Variants in ADSS2 observed in about 807,000 individuals in gnomAD.
ADSS2 encodes adenylosuccinate synthase 2.
ADSS2 carries 30 observed loss-of-function variants against 60.0 expected under a neutral mutation model. The ratio of observed to expected loss-of-function variants is 0.50; its 90% CI spans 0.37 to 0.68. The LOEUF is 0.68. Among genes scored for constraint, ADSS2 ranks in the 30% least tolerant of loss-of-function variants. The pLI, the probability that ADSS2 is intolerant of heterozygous loss-of-function variation, is 0.00. For missense variants in ADSS2, 373 were observed against 554.8 expected (o/e 0.67, Z 3.29); for synonymous variants, 187 against 193.1 (o/e 0.97, Z 0.26).
intron 11 of ADSS2, among the ~76,000 whole-genome samples, chr1:244,412,830 A>G (rs1664444988): frequency 6.6e-6 from 1 of 152,146 alleles, no homozygotes; most frequent in South Asian, 2.1e-4. Context: ...AGATTTTCCA[A>G]ACTCTCTGGG....
At chr1:244,451,926 G>GCCGGCC (rs1444102861), upstream of ADSS2, 25 of 1,174,398 alleles carry the variant, frequency 2.1e-5, no homozygotes, top group Middle Eastern at 6.0e-4. The surrounding 1 kb of genome is among the most constrained non-coding windows in gnomAD (Gnocchi z 6.6). Context: ...GGAGCCAGAG[G>GCCGGCC]CCGGCCCCGC....
intron 6 of ADSS2, among the ~76,000 whole-genome samples, chr1:244,423,512 G>A (rs1249246531): frequency 6.6e-6 from 1 of 152,156 alleles, no homozygotes; most frequent in African/African-American, 2.4e-5. Context: ...CGTAGCATCT[G>A]TTGATTTCAA....
At chr1:244,436,754 C>T (rs76769681) in intron 3 of ADSS2, 71 bp downstream of exon 3, 43 of 1,298,418 alleles carry the variant, frequency 3.3e-5, no homozygotes, top group South Asian at 2.7e-4. Context: ...ACATGTTGTT[C>T]GTCTGGCATA....
In ADSS2 at chr1:244,418,824, T is replaced by C. The variant is rs1664597342; in HGVS notation, c.881A>G (p.Tyr294Cys). 6.2e-7 allele frequency: 1 copy of C among 1,613,936 alleles called. No homozygotes were observed. Among genetic ancestry groups the C allele is most frequent in the Non-Finnish European group, 8.5e-7 (1 of 1,179,968 alleles). ...AGTTGTATAAGCTTTCACAACTCCA[T>C]ACACTTCTCCAACATTTTGAGGTGG... ...GMPPQNVGEVYGVVKAYTTRV... is the reference protein window; with the variant it reads ...GMPPQNVGEVCGVVKAYTTRV... The change falls in exon 9 of 13, where the codon TAT (tyrosine) becomes TGT (cysteine). Residue 294 changes from tyrosine (Y) to cysteine (C), a missense_variant. Tyr to Cys is a radical substitution (Grantham distance 194). This residue lies in a region of ADSS2 where 28 missense variants were observed against 74.4 expected (regional missense o/e 0.38). Coordinates refer to ENST00000366535, the MANE Select transcript of ADSS2 (RefSeq NM_001126.5).
Position 244,424,395 on chromosome 1 carries a change from G to A in ADSS2, c.407-8C>T, listed in dbSNP as rs201241047. ...CTTGATGAAAATCAAATACTGAGGG[G>A]AAATAAAACCACAGTTGTTGAAACA... On this transcript the variant is annotated splice_region_variant and splice_polypyrimidine_tract_variant and intron_variant, in intron 4 of 12. Transcript: ENST00000366535. The A allele has an allele frequency of 6.5e-5, 105 of 1,610,472 alleles. 2 individuals are homozygous for A. In the East Asian group the frequency reaches 2.2e-3, roughly 34 times the overall value.
chr1:244,446,301 T>C (rs1464319729), intron 1 of ADSS2, among the ~76,000 whole-genome samples: 2 of 152,240 alleles, frequency 1.3e-5, no homozygotes, highest in African/African-American at 4.8e-5. Flanking sequence ...TGTTCTTTCA[T>C]GAAAGCATTC....
chr1:244,436,846 T>C lies in ADSS2; in HGVS notation c.334A>G (p.Lys112Glu). The change falls in exon 3 of 13, where the codon AAA (lysine) becomes GAA (glutamate). Residue 112 changes from lysine to glutamate, a missense_variant. This residue lies in a region of ADSS2 where 139 missense variants were observed against 189.4 expected (regional missense o/e 0.73). Transcript: ENST00000366535. ...ATACCTTTTCCTTTTTGAACATTTT[T>C]CTCTGCTTCTTCAAACAATCCAGGT... is the stretch of plus-strand genomic sequence containing the variant. ...HLPGLFEEAE[K>E]NVQKGKGLEG... is the part of the protein sequence containing the mutation. The C allele has an allele frequency of 6.2e-7, 1 of 1,612,476 alleles. No homozygotes were observed. Among genetic ancestry groups the C allele is most frequent in the South Asian group, 1.1e-5 (1 of 90,748 alleles).
At chr1:244,419,114 C>T (rs527811872) in intron 8 of ADSS2, 200 bp from the exon 9 acceptor site, 41 of 519,540 alleles carry the variant, frequency 7.9e-5, no homozygotes, top group Non-Finnish European at 1.0e-4. Flanking sequence ...AGAGCTTTAA[C>T]GCAAGTGCTT....
chr1:244,448,011 A>T (rs1462968240), intron 1 of ADSS2, among the ~76,000 whole-genome samples: 1 of 152,236 alleles, frequency 6.6e-6, no homozygotes, highest in African/African-American at 2.4e-5. Flanking sequence ...AACCAAGTAT[A>T]GTATAACAGA....
In ADSS2 at chr1:244,418,852, T is replaced by A. The variant is rs781125289; in HGVS notation, c.853A>T (p.Met285Leu). The A allele has an allele frequency of 1.2e-6, 2 of 1,613,848 alleles. No homozygotes were observed. Among genetic ancestry groups the A allele is most frequent in the South Asian group, 2.2e-5 (2 of 91,068 alleles). Residue 285 changes from methionine (M) to leucine (L), a missense_variant, in exon 9 of 13, where the codon ATG (methionine) becomes TTG (leucine). Coordinates refer to ENST00000366535, the MANE Select transcript of ADSS2 (RefSeq NM_001126.5). ...TVGGVCTGLG[M>L]PPQNVGEVYG... ...ACTTCTCCAACATTTTGAGGTGGCATACCCAAACCAGTACAAACACCTCCA... is the reference window on the plus strand; with the variant it reads ...ACTTCTCCAACATTTTGAGGTGGCAAACCCAAACCAGTACAAACACCTCCA...
At position 244,451,196 on chromosome 1, in the gene ADSS2, G is replaced by C. The variant is rs1665572867; in HGVS notation, c.183+439C>G. On this transcript the variant is annotated intron_variant, in intron 1 of 12. Transcript: ENST00000366535. The surrounding 1 kb of genome is among the most constrained non-coding windows in gnomAD (Gnocchi z 6.6). ...CCACTCCGCCGCCCTGGGCGGGGCG[G>C]GGGGGCGGTGATGGGGGGTTCTGCC... Among the ~76,000 whole-genome samples, 1 of 152,030 alleles carries C rather than the reference G, an allele frequency of 6.6e-6. No individual in the cohort carries two copies. Among genetic ancestry groups the C allele is most frequent in the Admixed American group, 6.5e-5 (1 of 15,284 alleles).
chr1:244,421,486 C>T (rs553397436), intron 7 of ADSS2, among the ~76,000 whole-genome samples: 20 of 152,300 alleles, frequency 1.3e-4, no homozygotes, highest in African/African-American at 4.6e-4. Flanking sequence ...GAAATGACCA[C>T]ACTAGTCATC....
At chr1:244,438,118 A>G (rs1665147596) in intron 1 of ADSS2, among the ~76,000 whole-genome samples, 1 of 152,144 alleles carries the variant, frequency 6.6e-6, no homozygotes, top group African/African-American at 2.4e-5. Flanking sequence ...TAACCATGAT[A>G]TTCCATCTAC....
intron 10 of ADSS2, among the ~76,000 whole-genome samples, chr1:244,416,917 C>T (rs1664546752): frequency 6.6e-6 from 1 of 152,168 alleles, no homozygotes; most frequent in Non-Finnish European, 1.5e-5. Flanking sequence ...AAGAGAAAAT[C>T]TGCAGAAATT....
chr1:244,438,506 G>A (rs1665156496), intron 1 of ADSS2, among the ~76,000 whole-genome samples: 1 of 152,064 alleles, frequency 6.6e-6, no homozygotes, highest in South Asian at 2.1e-4. Flanking sequence ...TAGGTACAAA[G>A]GAGACTAAAT....
chr1:244,431,176 T>C (rs888965665), intron 4 of ADSS2, among the ~76,000 whole-genome samples: 4 of 152,094 alleles, frequency 2.6e-5, no homozygotes, highest in African/African-American at 9.7e-5. Context: ...ACAATAGTGA[T>C]ATATAAGTTT....
chr1:244,439,716 G>A (rs1462248647), intron 1 of ADSS2, among the ~76,000 whole-genome samples: 2 of 152,160 alleles, frequency 1.3e-5, no homozygotes, highest in East Asian at 3.9e-4. Context: ...ACAACACCAG[G>A]ACTTGCCCAA....
chr1:244,413,871 A>T (rs1452638501), intron 11 of ADSS2, among the ~76,000 whole-genome samples: 1 of 152,186 alleles, frequency 6.6e-6, no homozygotes, highest in Non-Finnish European at 1.5e-5. Flanking sequence ...CCTGGTATCC[A>T]GCAGAGCCAC....
rs796590657 is a variant in ADSS2 at position 244,420,417 on chromosome 1, C to A, written c.664-121G>T. 5 of 797,210 alleles carry A rather than the reference C, an allele frequency of 6.3e-6. No homozygotes were observed. In the South Asian group the frequency reaches 8.6e-5, roughly 14 times the overall value. 49.4% of individuals were successfully genotyped at this position (797,210 alleles called of 1,614,324 possible). On this transcript the variant is annotated intron_variant, in intron 7 of 12. Transcript: ENST00000366535. ...CTGACAAACGCAAAGTAGAAAAGGG[C>A]TGGTGACGGTGCTCACTCTATTGTA...
Sources: gnomAD v4.1 joint callset for allele counts (sites outside exome capture counted in the v4.1 genomes callset) on GRCh38, gnomAD v4.1.1 for gene constraint, gnomAD v4.1.1 regional missense constraint, Gnocchi (gnomAD v3.1) non-coding constraint, MANE v1.5 for transcripts, NCBI Gene and HGNC (gene_info 2026-07-23, HGNC 2026-07-21) for gene names.